Variants in NSUN2 observed in about 807,000 individuals in gnomAD.
NSUN2 encodes NOP2/Sun RNA methyltransferase 2.
A neutral mutation model predicts 92.7 loss-of-function variants in NSUN2; 63 were observed. That is an observed-to-expected ratio of 0.68 (90% CI 0.56 to 0.84). NSUN2 has a LOEUF of 0.84. Among genes scored for constraint, NSUN2 ranks in the 40% least tolerant of loss-of-function variants. The probability of loss-of-function intolerance (pLI) is 0.00; values close to 1 mark genes in which losing one functional copy is unlikely to be tolerated. For synonymous variants in NSUN2, 356 were observed against 348.3 expected (o/e 1.02, Z -0.25); for missense variants, 989 against 964.9 (o/e 1.02, Z -0.33).
Position 6,632,983 on chromosome 5 carries a change from CCACGCGGCCGCG to C in NSUN2, c.-16_-5del, listed in dbSNP as rs1738003177. ...GACCCCGCGACCGCCGCCCCATAGC[CCACGCGGCCGCG>C]CACGCAGCACGCAGAAACCGGCCCG... On this transcript the variant is annotated 5_prime_UTR_variant, in exon 1 of 19. Coordinates refer to ENST00000264670, the MANE Select transcript of NSUN2 (RefSeq NM_017755.6). 1 of 1,457,490 alleles carries C rather than the reference CCACGCGGCCGCG, an allele frequency of 6.9e-7. No homozygotes were observed. The highest frequency in any genetic ancestry group is 2.7e-5 in the Admixed American group (1 of 37,576). The allele number at this position is 1,457,490 out of a possible 1,614,324, so 90.3% of individuals were successfully genotyped here. A position where few individuals can be genotyped will look rare whatever the true frequency, so the allele number is the denominator to read the frequency against.
At chr5:6,623,986 T>C (rs1737557341) in intron 4 of NSUN2, among the ~76,000 whole-genome samples, 1 of 152,218 alleles carries the variant, frequency 6.6e-6, no homozygotes, top group Admixed American at 6.5e-5. Context: ...AGCTGAGGCT[T>C]CTGCTCCAAC....
At chr5:6,614,430 C>T (rs1737128774) in intron 9 of NSUN2, among the ~76,000 whole-genome samples, 1 of 152,196 alleles carries the variant, frequency 6.6e-6, no homozygotes, top group Admixed American at 6.5e-5. Flanking sequence ...TCCTCACTCC[C>T]CCGTGCCTGG....
intron 3 of NSUN2, among the ~76,000 whole-genome samples, chr5:6,625,971 C>T: frequency 6.6e-6 from 1 of 152,132 alleles, no homozygotes; most frequent in Non-Finnish European, 1.5e-5. Flanking sequence ...AAAGCGGACA[C>T]TCCTCTGCTC....
At chr5:6,621,050 C>T (rs1737415727) in intron 6 of NSUN2, 3 of 152,186 alleles carry the variant, frequency 2.0e-5, no homozygotes, top group African/African-American at 7.2e-5. Flanking sequence ...ACAGACCTAA[C>T]AAATATGCCT....
rs553929877 is a variant in NSUN2, at chr5:6,610,437, C to A, written c.1227-515G>T. Among the ~76,000 whole-genome samples the A allele has an allele frequency of 4.6e-5, 7 of 151,902 alleles. No homozygotes were observed. The South Asian group carries it at 1.2e-3, about 27-fold the overall frequency. ...GGCACAGTGGCTCATGCCTGTAATC[C>A]CAGCACTTTGGGAGGCCGAGGTGGG... On this transcript the variant is annotated intron_variant, in intron 11 of 18. Transcript: ENST00000264670.
chr5:6,629,353 T>A (rs374205260), intron 3 of NSUN2, among the ~76,000 whole-genome samples: 53 of 152,300 alleles, frequency 3.5e-4, no homozygotes, highest in African/African-American at 1.2e-3. Flanking sequence ...CAGAGAATAA[T>A]AAAAAACTAG....
intron 4 of NSUN2, among the ~76,000 whole-genome samples, chr5:6,625,088 G>A (rs1245807252): frequency 6.7e-6 from 1 of 149,500 alleles, no homozygotes; most frequent in Non-Finnish European, 1.5e-5. Context: ...GTTACCAAGA[G>A]CAATGTGTGG....
chr5:6,620,008 T>C (rs897357396), intron 7 of NSUN2, 98 bp downstream of exon 7: 5 of 1,044,256 alleles, frequency 4.8e-6, no homozygotes, highest in African/African-American at 3.3e-5. Flanking sequence ...CCAAGACTTA[T>C]GTACAATTGT....
At chr5:6,606,570 C>A (rs1452209077) in intron 14 of NSUN2, among the ~76,000 whole-genome samples, 1 of 152,108 alleles carries the variant, frequency 6.6e-6, no homozygotes, top group African/African-American at 2.4e-5. Flanking sequence ...CAGCCGTGAG[C>A]CACCGCGCCC....
At chr5:6,626,992 A>G (rs1314199941) in intron 3 of NSUN2, among the ~76,000 whole-genome samples, 2 of 152,208 alleles carry the variant, frequency 1.3e-5, no homozygotes, top group Non-Finnish European at 2.9e-5. Context: ...AAAGCCCGAC[A>G]CTGCTCAAGT....
Position 6,622,190 on chromosome 5 carries a change from G to A in NSUN2, c.538-90C>T, listed in dbSNP as rs898201081. 1.6e-5 allele frequency: 16 copies of A among 997,678 alleles called. No homozygotes were observed. The African/African-American group carries it at 2.1e-4, about 13-fold the overall frequency. The allele number at this position is 997,678 out of a possible 1,614,324, so 61.8% of individuals were successfully genotyped here. A position where few individuals can be genotyped will look rare whatever the true frequency, so the allele number is the denominator to read the frequency against. ...AGCAATTCTAGTTTTTCAATTTCTA[G>A]TCCAAGATCTAAATATACTTCTTTA... On this transcript the variant is annotated intron_variant, in intron 5 of 18. Coordinates refer to ENST00000264670, the MANE Select transcript of NSUN2 (RefSeq NM_017755.6).
chr5:6,603,430 G>T (rs188843198), intron 17 of NSUN2, among the ~76,000 whole-genome samples: 1 of 152,238 alleles, frequency 6.6e-6, no homozygotes, highest in African/African-American at 2.4e-5. Context: ...GGTGGCCCAC[G>T]CCTGTAATCC....
Position 6,616,728 on chromosome 5 carries a change from T to C in NSUN2, c.1020A>G (p.Glu340=). The C allele has an allele frequency of 6.4e-6, 9 of 1,409,584 alleles. No individual in the cohort carries two copies. The highest frequency in any genetic ancestry group is 8.4e-6 in the Non-Finnish European group (9 of 1,072,284). 87.3% of individuals were successfully genotyped at this position (1,409,584 alleles called of 1,614,324 possible). A position where few individuals can be genotyped will look rare whatever the true frequency, so the allele number is the denominator to read the frequency against. Reference sequence around the variant, plus strand: ...AAAAGATCCATCAAGCGTGCTTACCTTCACTTTTTTCCAGTAAAGATGCTA... The same window carrying C: ...AAAAGATCCATCAAGCGTGCTTACCCTCACTTTTTTCCAGTAAAGATGCTA... ...AVIASLLEKS[E]GALELADVSN... is the part of the protein sequence containing the mutation. Residue 340 remains glutamate (E), a splice_region_variant and synonymous_variant, in exon 9 of 19, where the codon GAA becomes GAG. Transcript: ENST00000264670.
intron 6 of NSUN2, chr5:6,621,326 C>A (rs556749588): frequency 5.1e-4 from 78 of 152,116 alleles, no homozygotes; most frequent in African/African-American, 1.9e-3. Flanking sequence ...TACTACCCTT[C>A]ATGTAAGGCA....
rs1477550251 is a variant in NSUN2 at position 6,617,996 on chromosome 5, C to T, written c.844G>A (p.Asp282Asn). ...SGDGTMRKNIDVWKKWTTLNS... is the reference protein window; with the variant it reads ...SGDGTMRKNINVWKKWTTLNS... ...AAGGTGGTCCACTTTTTCCAAACAT[C>T]AATGTTTTTTCTCATAGTGCCGTCT... Residue 282 changes from aspartate to asparagine, a missense_variant, in exon 8 of 19, where the codon GAT becomes AAT. Physicochemically the swap from Asp to Asn is conservative, Grantham distance 23. Around this residue, in one of 3 missense-constraint regions of NSUN2, gnomAD observed 626 missense variants for 602.3 expected, o/e 1.04. Transcript: ENST00000264670. 3.7e-6 allele frequency: 6 copies of T among 1,613,604 alleles called. No individual in the cohort carries two copies. Among genetic ancestry groups the T allele is most frequent in the Non-Finnish European group, 5.1e-6 (6 of 1,179,806 alleles).
chr5:6,631,472 G>A (rs557522451), intron 3 of NSUN2, among the ~76,000 whole-genome samples: 1 of 152,220 alleles, frequency 6.6e-6, no homozygotes, highest in Non-Finnish European at 1.5e-5. Context: ...GTGGTAACCT[G>A]TCTGTAATGG....
At position 6,599,283 on chromosome 5, in the gene NSUN2, C is replaced by A. The variant is rs1361945739; in HGVS notation, c.*643G>T. 6.6e-6 allele frequency: 1 copy of A among 152,636 alleles called. No individual in the cohort carries two copies. Among genetic ancestry groups the A allele is most frequent in the Non-Finnish European group, 1.5e-5 (1 of 68,048 alleles). The allele number at this position is 152,636 out of a possible 1,614,324, so 9.5% of individuals were successfully genotyped here. On this transcript the variant is annotated 3_prime_UTR_variant, in exon 19 of 19. Coordinates refer to ENST00000264670, the MANE Select transcript of NSUN2 (RefSeq NM_017755.6). Reference sequence around the variant, plus strand: ...TGAAATATTCCAAGGATCCCAACCCCATTTAAAAATAAAAATTGTAAAGCA... The same window carrying A: ...TGAAATATTCCAAGGATCCCAACCCAATTTAAAAATAAAAATTGTAAAGCA...
chr5:6,599,714 T>C lies in NSUN2; in HGVS notation c.*212A>G. The stretch of plus-strand genomic sequence containing the variant: ...CAAAGAAACAAAATAAAACAAGTGA[T>C]TTCTAACACGCTAAAAGAGTACATT... On this transcript the variant is annotated 3_prime_UTR_variant, in exon 19 of 19. Transcript: ENST00000264670. The C allele has an allele frequency of 1.9e-6, 1 of 520,306 alleles. No homozygotes were observed. The highest frequency in any genetic ancestry group is 3.4e-6 in the Non-Finnish European group (1 of 296,574). The allele number at this position is 520,306 out of a possible 1,614,324, so 32.2% of individuals were successfully genotyped here.
intron 6 of NSUN2, chr5:6,621,747 CAAAA>C: frequency 5.7e-5 from 14 of 245,678 alleles, no homozygotes; most frequent in East Asian, 9.5e-5. Flanking sequence ...GACTCCATCT[CAAAA>C]AAAAAAAAAA....
Sources: gnomAD v4.1 joint callset for allele counts (sites outside exome capture counted in the v4.1 genomes callset) on GRCh38, gnomAD v4.1.1 for gene constraint, gnomAD v4.1.1 regional missense constraint, MANE v1.5 for transcripts, NCBI Gene and HGNC (gene_info 2026-07-23, HGNC 2026-07-21) for gene names.